SLC2A9: variants seen among roughly 807,000 people sequenced by gnomAD.
SLC2A9 encodes solute carrier family 2 member 9.
A neutral mutation model predicts 50.6 loss-of-function variants in SLC2A9; 39 were observed. That is an observed-to-expected ratio of 0.77 (90% CI 0.60 to 1.01). SLC2A9 has a LOEUF of 1.01. Ranked by LOEUF, SLC2A9 falls within the 50% of genes least tolerant of loss-of-function variation. SLC2A9 has a pLI of 0.00. For missense variants in SLC2A9, 686 were observed against 677.6 expected (o/e 1.01, Z -0.14); for synonymous variants, 324 against 276.9 (o/e 1.17, Z -1.69).
intron 9 of SLC2A9, among the ~76,000 whole-genome samples, chr4:9,888,499 T>C (rs1368542337): frequency 6.6e-6 from 1 of 152,008 alleles, no homozygotes; most frequent in African/African-American, 2.4e-5. Flanking sequence ...CTGGTTGGGA[T>C]TGCTCCTGCT....
intron 3 of SLC2A9, chr4:9,783,699 T>C (rs1243198173): frequency 3.8e-6 from 2 of 526,992 alleles, no homozygotes; most frequent in African/African-American, 3.8e-5. Flanking sequence ...CCAACGATCC[T>C]ATGAGAGAAG....
chr4:9,979,401 A>G lies in SLC2A9; in HGVS notation c.681+1191T>C, dbSNP rs542268131. Among the ~76,000 whole-genome samples, 14 of 152,266 alleles carry G rather than the reference A, an allele frequency of 9.2e-5. No individual in the cohort carries two copies. The East Asian group carries it at 9.6e-4, about 10-fold the overall frequency. On this transcript the variant is annotated intron_variant, in intron 5 of 11. Coordinates refer to ENST00000264784, the MANE Select transcript of SLC2A9 (RefSeq NM_020041.3). Reference sequence around the variant, plus strand: ...TGTCTGTTGTGCACTGTTCGTGCCTAGAACAGTCTGGCATGAAGTGGGCAT... The same window carrying G: ...TGTCTGTTGTGCACTGTTCGTGCCTGGAACAGTCTGGCATGAAGTGGGCAT...
intron 6 of SLC2A9, among the ~76,000 whole-genome samples, chr4:9,931,940 C>T (rs1370135875): frequency 3.4e-5 from 2 of 58,210 alleles, no homozygotes; most frequent in Non-Finnish European, 5.8e-5. Flanking sequence ...CTCTCTCTCT[C>T]TCTCTCTCTC....
rs368708477 is a variant in SLC2A9 at position 9,809,138 on chromosome 4, G to A, written n.421-9897C>T. Among the ~76,000 whole-genome samples, 9 of 152,168 alleles carry A rather than the reference G, an allele frequency of 5.9e-5. No individual in the cohort carries two copies. The East Asian group carries it at 1.5e-3, about 26-fold the overall frequency. On this transcript the variant is annotated intron_variant and non_coding_transcript_variant, in intron 3 of 3. Transcript: ENST00000503280. ...TACATTAAACTAAGGTTTAGAGTAGGTAGGCTCTAGGAAATCTTGAGCAGG... is the reference window on the plus strand; with the variant it reads ...TACATTAAACTAAGGTTTAGAGTAGATAGGCTCTAGGAAATCTTGAGCAGG...
At chr4:9,823,683 C>G (rs775505057), downstream of SLC2A9, among the ~76,000 whole-genome samples, 2 of 152,098 alleles carry the variant, frequency 1.3e-5, no homozygotes, top group Non-Finnish European at 2.9e-5. Context: ...ATTTGTGGTA[C>G]AAGTGTGTGG....
At chr4:9,996,681 T>G (rs1758731024) in intron 3 of SLC2A9, 100 bp downstream of exon 3, 1 of 1,419,720 alleles carries the variant, frequency 7.0e-7, no homozygotes, top group Non-Finnish European at 9.8e-7. Flanking sequence ...CCAGTTGAAC[T>G]GCCTGAGTGG....
intron 10 of SLC2A9, among the ~76,000 whole-genome samples, chr4:9,873,364 C>T (rs1414484946): frequency 2.6e-5 from 4 of 152,224 alleles, no homozygotes; most frequent in Non-Finnish European, 5.9e-5. Flanking sequence ...TCTACAGTTA[C>T]TGCCTCCAGG....
chr4:9,800,612 T>C (rs1421211376), intron 3 of SLC2A9, among the ~76,000 whole-genome samples: 1 of 152,204 alleles, frequency 6.6e-6, no homozygotes, highest in African/African-American at 2.4e-5. Context: ...CACTCAGCCT[T>C]CCTGTGAGTT....
At chr4:9,886,487 A>G (rs1736291267) in intron 10 of SLC2A9, among the ~76,000 whole-genome samples, 2 of 140,848 alleles carry the variant, frequency 1.4e-5, no homozygotes, top group African/African-American at 5.2e-5. Flanking sequence ...GTGTGCATGT[A>G]TGTGCACCTG....
chr4:9,778,188 C>T (rs962070773), downstream of SLC2A9, among the ~76,000 whole-genome samples: 3 of 152,010 alleles, frequency 2.0e-5, no homozygotes, highest in East Asian at 5.8e-4. Context: ...CGGCTCACTG[C>T]AACCTCCAAC....
chr4:9,972,331 T>A (rs1213960834), intron 5 of SLC2A9, among the ~76,000 whole-genome samples: 1 of 152,210 alleles, frequency 6.6e-6, no homozygotes, highest in Non-Finnish European at 1.5e-5. Context: ...CATCTAAGTC[T>A]ATTTCTTCTT....
At chr4:9,972,623 A>G (rs1430113790) in intron 5 of SLC2A9, among the ~76,000 whole-genome samples, 1 of 152,250 alleles carries the variant, frequency 6.6e-6, no homozygotes. Flanking sequence ...GACTAAAATT[A>G]GAAATCAACA....
chr4:10,028,307 G>A (rs1045674212), intron 1 of SLC2A9, among the ~76,000 whole-genome samples: 1 of 152,238 alleles, frequency 6.6e-6, no homozygotes, highest in African/African-American at 2.4e-5. Context: ...AAATGCGAAT[G>A]CAGCACTCGA....
At chr4:9,780,859 T>A (rs2108843718) in intron 3 of SLC2A9, among the ~76,000 whole-genome samples, 1 of 152,202 alleles carries the variant, frequency 6.6e-6, no homozygotes, top group East Asian at 1.9e-4. Flanking sequence ...TATTTATCCA[T>A]CCCTCTCAAG....
chr4:10,002,748 G>C (rs1417529840), intron 2 of SLC2A9, among the ~76,000 whole-genome samples: 1 of 152,180 alleles, frequency 6.6e-6, no homozygotes, highest in Non-Finnish European at 1.5e-5. Flanking sequence ...AGCTACTCTG[G>C]AGGCTGAGGC....
intron 1 of SLC2A9, among the ~76,000 whole-genome samples, chr4:10,033,984 C>T (rs78507984): frequency 0.039 from 5,909 of 152,234 alleles, 170 homozygotes; most frequent in Non-Finnish European, 0.053. Context: ...ACTCTGTCCC[C>T]GGGGATGTTT....
intron 3 of SLC2A9, among the ~76,000 whole-genome samples, chr4:9,992,687 G>A (rs1047022289): frequency 2.6e-5 from 4 of 152,206 alleles, no homozygotes; most frequent in Admixed American, 1.3e-4. Flanking sequence ...GAGCTGAGAG[G>A]TGGAGACAGA....
rs181291668 is a variant in SLC2A9, at chr4:9,923,333, G to T, written c.815-2761C>A. On this transcript the variant is annotated intron_variant, in intron 6 of 11. Coordinates refer to ENST00000264784, the MANE Select transcript of SLC2A9 (RefSeq NM_020041.3). Reference sequence around the variant, plus strand: ...TGACTCAGTGAGTTTAGGTGCACAGGTGCATACTCCACTTGTTATATAACC... The same window carrying T: ...TGACTCAGTGAGTTTAGGTGCACAGTTGCATACTCCACTTGTTATATAACC... Among the ~76,000 whole-genome samples, 395 of 152,316 alleles carry T rather than the reference G, an allele frequency of 2.6e-3. 6 individuals carry two copies. Among genetic ancestry groups the T allele is most frequent in the African/African-American group, 9.3e-3 (386 of 41,564 alleles).
intron 5 of SLC2A9, among the ~76,000 whole-genome samples, chr4:9,976,374 G>A (rs779044466): frequency 4.6e-5 from 7 of 151,918 alleles, no homozygotes; most frequent in South Asian, 2.1e-4. Context: ...TCAAAGCTTC[G>A]TTGTCTCAGT....
Sources: gnomAD v4.1 joint callset for allele counts (sites outside exome capture counted in the v4.1 genomes callset) on GRCh38, gnomAD v4.1.1 for gene constraint, MANE v1.5 for transcripts, NCBI Gene and HGNC (gene_info 2026-07-23, HGNC 2026-07-21) for gene names.